Variants in CNN1 observed in about 807,000 individuals in gnomAD.
CNN1 encodes the protein calponin 1, also known as calponin-1.
Under a neutral mutation model 35.3 loss-of-function variants are expected in CNN1, and 21 were observed. That is an observed-to-expected ratio of 0.60 (90% CI 0.42 to 0.86). CNN1 has a LOEUF of 0.86. CNN1 is among the 40% of genes least tolerant of loss of function. CNN1 has a pLI of 0.00. For synonymous variants in CNN1, 164 were observed against 161.8 expected (o/e 1.01, Z -0.10); for missense variants, 314 against 400.8 (o/e 0.78, Z 1.85).
At chr19:11,542,707 C>G (rs1380745900) in intron 2 of CNN1, among the ~76,000 whole-genome samples, 1 of 151,820 alleles carries the variant, frequency 6.6e-6, no homozygotes, top group African/African-American at 2.4e-5. Flanking sequence ...TCCTGAGTAG[C>G]TGGGATTACA....
intron 1 of CNN1, chr19:11,539,376 G>A: frequency 9.3e-7 from 1 of 1,072,936 alleles, no homozygotes; most frequent in South Asian, 2.5e-5. Context: ...TACCTGGGAA[G>A]TGACGCCGTG....
intron 1 of CNN1, chr19:11,539,333 A>G: frequency 9.1e-7 from 1 of 1,093,082 alleles, no homozygotes; most frequent in Non-Finnish European, 1.1e-6. Flanking sequence ...CCCCGGCCTG[A>G]CAAAGAAATT....
intron 2 of CNN1, among the ~76,000 whole-genome samples, chr19:11,544,526 C>T (rs1024010738): frequency 6.6e-6 from 1 of 152,038 alleles, no homozygotes; most frequent in East Asian, 1.9e-4. Context: ...GGCTGGAGTA[C>T]AGCGGTGCAA....
rs768101664 is a variant in CNN1 at position 11,546,777 on chromosome 19, C to T, written c.252+36C>T. 4.3e-6 allele frequency: 7 copies of T among 1,613,976 alleles called. No homozygotes were observed. In the East Asian group the frequency reaches 1.6e-4, roughly 36 times the overall value. On this transcript the variant is annotated intron_variant, in intron 3 of 6. Transcript: ENST00000252456. Reference sequence around the variant, plus strand: ...ACACAATCTCTTCCATCCTTGCCCGCAAGCCCCTCAGACCTCCCCTCCCCA... The same window carrying T: ...ACACAATCTCTTCCATCCTTGCCCGTAAGCCCCTCAGACCTCCCCTCCCCA...
chr19:11,547,662 G>C, intron 4 of CNN1, 135 bp from the exon 5 acceptor site: 1 of 603,790 alleles, frequency 1.7e-6, no homozygotes, highest in Non-Finnish European at 2.9e-6. Flanking sequence ...GCAGTGAGCT[G>C]AGATCACGCC....
intron 2 of CNN1, among the ~76,000 whole-genome samples, chr19:11,545,179 T>G: frequency 6.8e-6 from 1 of 146,860 alleles, no homozygotes. Flanking sequence ...CCAGCCTGAG[T>G]GACAGAGCAA....
chr19:11,548,096 A>G (rs1007672893), intron 5 of CNN1, among the ~76,000 whole-genome samples, 189 bp downstream of exon 5: 1 of 152,236 alleles, frequency 6.6e-6, no homozygotes. Flanking sequence ...TGTTATCAAC[A>G]TACCCTTTCC....
intron 2 of CNN1, among the ~76,000 whole-genome samples, chr19:11,544,925 G>A (rs760589998): frequency 1.3e-5 from 2 of 152,094 alleles, no homozygotes; most frequent in African/African-American, 4.8e-5. Flanking sequence ...TGGGCCAGGG[G>A]CAGTGGCTCA....
Position 11,538,990 on chromosome 19 carries a change from G to A in CNN1, c.63G>A (p.Lys21=). ...AYGLSAEVKN[K]LAQKYDHQRE... ...GGCTGTCAGCCGAGGTTAAGAACAAGGTAGGGCTGGAGGGCCTCCCTGGCC... is the reference window on the plus strand; with the variant it reads ...GGCTGTCAGCCGAGGTTAAGAACAAAGTAGGGCTGGAGGGCCTCCCTGGCC... The change falls in exon 1 of 7, where the codon AAG becomes AAA. Residue 21 remains lysine, a splice_region_variant and synonymous_variant. Transcript: ENST00000252456. 1 of 1,591,674 alleles carries A rather than the reference G, an allele frequency of 6.3e-7. No individual in the cohort carries two copies.
rs1354010324 is a variant in CNN1 at position 11,549,130 on chromosome 19, G to C, written c.502-193G>C. Among the ~76,000 whole-genome samples, 1 of 151,700 alleles carries C rather than the reference G, an allele frequency of 6.6e-6. No individual in the cohort carries two copies. The highest frequency in any genetic ancestry group is 6.6e-5 in the Admixed American group (1 of 15,234). On this transcript the variant is annotated intron_variant, in intron 5 of 6. Coordinates refer to ENST00000252456, the MANE Select transcript of CNN1 (RefSeq NM_001299.6). The surrounding 1 kb of genome is among the most constrained non-coding windows in gnomAD (Gnocchi z 5.2). The stretch of plus-strand genomic sequence containing the variant: ...TTGAATGTGCAAGATGGAGATTTCA[G>C]TGAGCTGAGATCATGTCACTGCACT...
chr19:11,548,596 G>A (rs572211098), intron 5 of CNN1, among the ~76,000 whole-genome samples: 2 of 151,828 alleles, frequency 1.3e-5, no homozygotes, highest in South Asian at 2.1e-4. Flanking sequence ...CTAGCACTTC[G>A]GGAGGCCGAG....
intron 2 of CNN1, among the ~76,000 whole-genome samples, chr19:11,543,846 A>G (rs1427912688): frequency 2.6e-5 from 4 of 151,784 alleles, no homozygotes; most frequent in African/African-American, 9.7e-5. Context: ...GCAAACCAAA[A>G]TGGCACATGT....
At chr19:11,548,756 G>A (rs1162603444) in intron 5 of CNN1, among the ~76,000 whole-genome samples, 1 of 151,254 alleles carries the variant, frequency 6.6e-6, no homozygotes, top group African/African-American at 2.4e-5. Context: ...AGAATTGCTT[G>A]AACTCAGGAG....
At chr19:11,541,674 C>T (rs182988004) in intron 2 of CNN1, among the ~76,000 whole-genome samples, 4 of 152,240 alleles carry the variant, frequency 2.6e-5, no homozygotes, top group Non-Finnish European at 4.4e-5. Context: ...CTGCAACCTC[C>T]GCCTCCAGGG....
chr19:11,539,278 T>TG, intron 1 of CNN1: 2 of 1,190,642 alleles, frequency 1.7e-6, no homozygotes, highest in South Asian at 2.9e-5. Context: ...TTCGTGTTCT[T>TG]GGGGGGAACA....
At chr19:11,544,378 A>T (rs1972533444) in intron 2 of CNN1, among the ~76,000 whole-genome samples, 1 of 152,156 alleles carries the variant, frequency 6.6e-6, no homozygotes, top group Non-Finnish European at 1.5e-5. Flanking sequence ...TCAAGAAACA[A>T]GAAGGAGGCT....
In CNN1 at chr19:11,549,569, G is replaced by A; in HGVS notation, c.668G>A (p.Gly223Glu). Residue 223 changes from glycine to glutamate, a missense_variant, in exon 7 of 7, where the codon GGG becomes GAG. Transcript: ENST00000252456. The surrounding 1 kb of genome is among the most constrained non-coding windows in gnomAD (Gnocchi z 5.2). ...GASQAGMTAP[G>E]TKRQIFEPGL... Reference sequence around the variant, plus strand: ...TCGCAGGCTGGCATGACTGCGCCAGGGACCAAGCGGCAGATCTTCGAGCCG... The same window carrying A: ...TCGCAGGCTGGCATGACTGCGCCAGAGACCAAGCGGCAGATCTTCGAGCCG... The A allele has an allele frequency of 6.3e-7, 1 of 1,599,964 alleles. No homozygotes were observed. The highest frequency in any genetic ancestry group is 2.2e-5 in the East Asian group (1 of 44,528).
intron 2 of CNN1, among the ~76,000 whole-genome samples, chr19:11,543,214 G>C (rs1972503247): frequency 6.6e-6 from 1 of 152,066 alleles, no homozygotes; most frequent in Non-Finnish European, 1.5e-5. Context: ...GCTTGGCATG[G>C]TGGCATGCGC....
intron 2 of CNN1, among the ~76,000 whole-genome samples, chr19:11,542,770 T>C (rs1972494964): frequency 6.6e-6 from 1 of 151,958 alleles, no homozygotes; most frequent in South Asian, 2.1e-4. Flanking sequence ...GAGACGGGGT[T>C]TCACCATGTT....
Sources: allele counts gnomAD v4.1 joint callset (sites outside exome capture counted in the v4.1 genomes callset), GRCh38; gene constraint gnomAD v4.1.1; non-coding constraint Gnocchi (gnomAD v3.1); transcripts MANE v1.5; gene names NCBI Gene and HGNC (gene_info 2026-07-23, HGNC 2026-07-21).